OSBPL1A: variants seen among roughly 807,000 people sequenced by gnomAD.
OSBPL1A encodes the protein oxysterol binding protein like 1A, also known as oxysterol-binding protein-related protein 1.
A neutral mutation model predicts 137.1 loss-of-function variants in OSBPL1A; 80 were observed. That is an observed-to-expected ratio of 0.58 (90% confidence interval 0.49 to 0.70). OSBPL1A has a LOEUF of 0.70. OSBPL1A is among the 30% of genes least tolerant of loss of function. The pLI is 0.00. For synonymous variants in OSBPL1A, 365 were observed against 389.7 expected (o/e 0.94, Z 0.75); for missense variants, 970 against 1,129.4 (o/e 0.86, Z 2.02).
At chr18:24,290,381 A>G (rs1024811276) in intron 14 of OSBPL1A, among the ~76,000 whole-genome samples, 2 of 152,148 alleles carry the variant, frequency 1.3e-5, no homozygotes, top group African/African-American at 4.8e-5. Flanking sequence ...TACATCCAGA[A>G]GATTAACAGA....
chr18:24,246,116 G>A (rs2088875660), intron 15 of OSBPL1A, among the ~76,000 whole-genome samples: 2 of 152,110 alleles, frequency 1.3e-5, no homozygotes. Context: ...GGAGACTGAG[G>A]CAGGAGAATT....
intron 24 of OSBPL1A, among the ~76,000 whole-genome samples, chr18:24,169,774 GT>G: frequency 6.6e-6 from 1 of 152,334 alleles, no homozygotes; most frequent in East Asian, 1.9e-4. Context: ...ACTGGAGCCT[GT>G]TTGGGACCAC....
intron 17 of OSBPL1A, among the ~76,000 whole-genome samples, chr18:24,200,600 A>C (rs2087191615): frequency 6.6e-6 from 1 of 151,466 alleles, no homozygotes; most frequent in Non-Finnish European, 1.5e-5. Context: ...TCAGTTTCTC[A>C]GTCGTACTAC....
At chr18:24,350,032 G>A (rs1427835613) in intron 4 of OSBPL1A, among the ~76,000 whole-genome samples, 1 of 152,222 alleles carries the variant, frequency 6.6e-6, no homozygotes, top group Non-Finnish European at 1.5e-5. Flanking sequence ...CAAGGGTGAA[G>A]GGAAGATCCC....
At chr18:24,320,603 T>C (rs955426799) in intron 7 of OSBPL1A, among the ~76,000 whole-genome samples, 1 of 152,172 alleles carries the variant, frequency 6.6e-6, no homozygotes, top group Non-Finnish European at 1.5e-5. Flanking sequence ...AAGGGGTTTG[T>C]AGGCCAGACT....
intron 5 of OSBPL1A, among the ~76,000 whole-genome samples, chr18:24,340,620 C>T (rs1451559204): frequency 1.3e-5 from 2 of 152,178 alleles, no homozygotes; most frequent in Admixed American, 1.3e-4. Context: ...GCCTGACCAA[C>T]ATGCTGAAAC....
intron 1 of OSBPL1A, among the ~76,000 whole-genome samples, chr18:24,397,245 T>A (rs371078715): frequency 2.0e-5 from 3 of 152,182 alleles, no homozygotes; most frequent in Non-Finnish European, 4.4e-5. Context: ...ACATGAACAA[T>A]GCGTGACTTC....
At chr18:24,243,611 A>T (rs988714598) in intron 15 of OSBPL1A, among the ~76,000 whole-genome samples, 11 of 152,198 alleles carry the variant, frequency 7.2e-5, no homozygotes, top group African/African-American at 2.2e-4. Flanking sequence ...ACCCACCTAA[A>T]ATAAGCACCA....
In OSBPL1A at chr18:24,271,026, C is replaced by T. The variant is rs955885025; in HGVS notation, c.1281+9816G>A. Among the ~76,000 whole-genome samples, 1 of 152,082 alleles carries T rather than the reference C, an allele frequency of 6.6e-6. No homozygotes were observed. The highest frequency in any genetic ancestry group is 1.5e-5 in the Non-Finnish European group (1 of 68,026). On this transcript the variant is annotated intron_variant, in intron 15 of 27. Coordinates refer to ENST00000319481, the MANE Select transcript of OSBPL1A (RefSeq NM_080597.4). This position sits in a 1 kb window ranked among gnomAD's most constrained non-coding sequence, Gnocchi z 4.0. ...TCTGAATGCTAGGAAACGTGATTCC[C>T]CGCTGGTTTAGGCTACAAAGAAAGC... is the stretch of plus-strand genomic sequence containing the variant.
At chr18:24,355,819 T>A (rs2091523905) in intron 4 of OSBPL1A, among the ~76,000 whole-genome samples, 1 of 151,888 alleles carries the variant, frequency 6.6e-6, no homozygotes, top group African/African-American at 2.4e-5. Flanking sequence ...ACCCTGACTC[T>A]ACTAAAAATA....
chr18:24,261,625 G>A (rs753751692), intron 15 of OSBPL1A, among the ~76,000 whole-genome samples: 9 of 152,114 alleles, frequency 5.9e-5, no homozygotes, highest in Non-Finnish European at 1.3e-4. Context: ...TTGAGCCCAG[G>A]GGTTTGAGAC....
intron 12 of OSBPL1A, among the ~76,000 whole-genome samples, chr18:24,312,537 G>A (rs1267722420): frequency 6.6e-6 from 1 of 152,068 alleles, no homozygotes; most frequent in Non-Finnish European, 1.5e-5. Flanking sequence ...AGAAACTAAG[G>A]TCATATTAAA....
intron 14 of OSBPL1A, among the ~76,000 whole-genome samples, chr18:24,301,011 A>G (rs1218404747): frequency 3.9e-5 from 6 of 152,176 alleles, no homozygotes; most frequent in Non-Finnish European, 8.8e-5. Flanking sequence ...GTTTTCTTTA[A>G]TAAAGCACAT....
chr18:24,384,888 AAAAAAGAAAG>A (rs1215144583), intron 1 of OSBPL1A, among the ~76,000 whole-genome samples: 2 of 151,530 alleles, frequency 1.3e-5, no homozygotes, highest in Non-Finnish European at 2.9e-5. Flanking sequence ...AAAAAAAAAG[AAAAAAGAAAG>A]AAAAAGAAAG....
At chr18:24,344,286 C>A (rs2091312359) in intron 4 of OSBPL1A, among the ~76,000 whole-genome samples, 1 of 152,010 alleles carries the variant, frequency 6.6e-6, no homozygotes, top group South Asian at 2.1e-4. Flanking sequence ...CTGGTCCCTA[C>A]CAAAAATACA....
chr18:24,384,361 G>A (rs1906797930), intron 1 of OSBPL1A, among the ~76,000 whole-genome samples: 1 of 152,192 alleles, frequency 6.6e-6, no homozygotes, highest in Non-Finnish European at 1.5e-5. Context: ...ATCAGTTGAG[G>A]TCAGGAGTTG....
Position 24,162,487 on chromosome 18 carries a change from A to G in OSBPL1A, c.*692T>C, listed in dbSNP as rs987970198. 1 of 152,252 alleles carries G rather than the reference A, an allele frequency of 6.6e-6. No individual in the cohort carries two copies. Among genetic ancestry groups the G allele is most frequent in the Non-Finnish European group, 1.5e-5 (1 of 68,038 alleles). 9.4% of individuals were successfully genotyped at this position (152,252 alleles called of 1,614,324 possible). On this transcript the variant is annotated 3_prime_UTR_variant, in exon 28 of 28. Coordinates refer to ENST00000319481, the MANE Select transcript of OSBPL1A (RefSeq NM_080597.4). Reference sequence around the variant, plus strand: ...TTATACATATTTTCAGTTCAAATGTAAACTTAACCATTTTAATGATACTGA... The same window carrying G: ...TTATACATATTTTCAGTTCAAATGTGAACTTAACCATTTTAATGATACTGA...
intron 14 of OSBPL1A, among the ~76,000 whole-genome samples, chr18:24,293,104 C>CAAAAAAAAAAA (rs1172730345): frequency 1.5e-4 from 10 of 66,278 alleles, no homozygotes; most frequent in Admixed American, 2.2e-4. Context: ...ACTCCCGTCT[C>CAAAAAAAAAAA]AAAAAAAAAA....
At chr18:24,388,121 C>T (rs1907059292) in intron 1 of OSBPL1A, among the ~76,000 whole-genome samples, 1 of 152,188 alleles carries the variant, frequency 6.6e-6, no homozygotes, top group African/African-American at 2.4e-5. Flanking sequence ...AGTGGTCTGA[C>T]TTGCTCTCTC....
Sources: allele counts gnomAD v4.1 joint callset (sites outside exome capture counted in the v4.1 genomes callset), GRCh38; gene constraint gnomAD v4.1.1; non-coding constraint Gnocchi (gnomAD v3.1); transcripts MANE v1.5; gene names NCBI Gene and HGNC (gene_info 2026-07-23, HGNC 2026-07-21).